The following AGBL1 variants were observed in gnomAD, a reference collection of about 807,000 sequenced individuals.
AGBL1 encodes cytosolic carboxypeptidase 4.
AGBL1 carries 130 observed loss-of-function variants against 118.9 expected under a neutral mutation model. That is an observed-to-expected ratio of 1.09 (90% confidence interval 0.95 to 1.26). AGBL1 has a LOEUF of 1.26. Ranked by LOEUF, AGBL1 falls within the 50% of genes most tolerant of loss-of-function variation. AGBL1 has a pLI of 0.00. For synonymous variants in AGBL1, 555 were observed against 478.9 expected, an observed-to-expected ratio of 1.16 and a Z score of -2.08; for missense variants, 1,584 against 1,298.1, an observed-to-expected ratio of 1.22 and a Z score of -3.38.
At chr15:86,090,272 T>C (rs1256843697) in intron 1 of AGBL1, among the ~76,000 whole-genome samples, 1 of 152,186 alleles carries the variant, frequency 6.6e-6, no homozygotes, top group Non-Finnish European at 1.5e-5. Flanking sequence ...CTTTCTCCAC[T>C]AAACATATTT....
intron 6 of AGBL1, among the ~76,000 whole-genome samples, chr15:86,233,567 G>A (rs572333107): frequency 6.6e-6 from 1 of 152,252 alleles, no homozygotes; most frequent in South Asian, 2.1e-4. Flanking sequence ...AAGAAATCAA[G>A]TTTGAAAACC....
intron 1 of AGBL1, among the ~76,000 whole-genome samples, chr15:86,082,178 C>A (rs2141433552): frequency 6.6e-6 from 1 of 152,280 alleles, no homozygotes; most frequent in African/African-American, 2.4e-5. Flanking sequence ...AAAAAGAGAA[C>A]CCAGAACATA....
At chr15:86,948,950 A>C (rs1020501898) in intron 23 of AGBL1, among the ~76,000 whole-genome samples, 2 of 152,224 alleles carry the variant, frequency 1.3e-5, no homozygotes, top group Non-Finnish European at 2.9e-5. Flanking sequence ...TTGATGTAAC[A>C]TCTCTAACTG....
chr15:86,795,373 A>G (rs2078554607), intron 22 of AGBL1, among the ~76,000 whole-genome samples: 1 of 151,998 alleles, frequency 6.6e-6, no homozygotes, highest in Non-Finnish European at 1.5e-5. Flanking sequence ...TTTGTGGAAC[A>G]CTCAGAAATG....
chr15:86,251,303 A>C lies in AGBL1; in HGVS notation c.735+3424A>C, dbSNP rs190285988. Reference sequence around the variant, plus strand: ...TGCCCACTGTACCAGCAGCTCCCCCAGTTGAGCATGCATCAGAGTCACCTG... The same window carrying C: ...TGCCCACTGTACCAGCAGCTCCCCCCGTTGAGCATGCATCAGAGTCACCTG... On this transcript the variant is annotated intron_variant, in intron 7 of 22. Coordinates refer to ENST00000614907, the MANE Select transcript of AGBL1 (RefSeq NM_001386094.1). Among the ~76,000 whole-genome samples the C allele has an allele frequency of 2.6e-4, 40 of 152,250 alleles. 2 individuals are homozygous for C. In the East Asian group the frequency reaches 6.0e-3, roughly 23 times the overall value.
chr15:86,287,831 C>T (rs1189662467), intron 16 of AGBL1, among the ~76,000 whole-genome samples: 1 of 152,136 alleles, frequency 6.6e-6, no homozygotes, highest in African/African-American at 2.4e-5. Flanking sequence ...GCATTTCAGT[C>T]TCTTGAGAGG....
chr15:86,638,899 C>T (rs12593628), intron 21 of AGBL1, among the ~76,000 whole-genome samples: 1,790 of 152,170 alleles, frequency 0.012, 27 homozygotes, highest in East Asian at 0.077. Flanking sequence ...GTCAGCTCAT[C>T]GTAGTTATTT....
intron 21 of AGBL1, among the ~76,000 whole-genome samples, chr15:86,619,825 A>C (rs1278761772): frequency 6.6e-6 from 1 of 152,004 alleles, no homozygotes; most frequent in Non-Finnish European, 1.5e-5. Context: ...ATTTGAATTG[A>C]ACCTTAAATA....
rs1343896719 is a variant in AGBL1 at position 86,908,876 on chromosome 15, A to G, written c.*1582A>G. ...GAGATGGACAACTTATCATAGTAGT[A>G]GCTTTCATAAGGCATAAGTCTATTT... On this transcript the variant is annotated 3_prime_UTR_variant, in exon 23 of 23. Coordinates refer to ENST00000614907, the MANE Select transcript of AGBL1 (RefSeq NM_001386094.1). 6.6e-6 allele frequency: 1 copy of G among 152,234 alleles called. No individual in the cohort carries two copies. Among genetic ancestry groups the G allele is most frequent in the Non-Finnish European group, 1.5e-5 (1 of 68,050 alleles). 9.4% of individuals were successfully genotyped at this position (152,234 alleles called of 1,614,324 possible).
intron 5 of AGBL1, among the ~76,000 whole-genome samples, chr15:86,221,618 C>T (rs1269210280): frequency 3.3e-5 from 5 of 152,150 alleles, no homozygotes; most frequent in Admixed American, 6.5e-5. Flanking sequence ...TGCACATGAG[C>T]GACTCGATGT....
intron 24 of AGBL1, among the ~76,000 whole-genome samples, chr15:87,009,893 C>T (rs772473104): frequency 6.6e-6 from 1 of 152,234 alleles, no homozygotes; most frequent in African/African-American, 2.4e-5. Context: ...AATGCCTACA[C>T]CCCTATTTTA....
intron 22 of AGBL1, among the ~76,000 whole-genome samples, chr15:86,782,399 G>A (rs115476873): frequency 0.014 from 2,192 of 152,158 alleles, 50 homozygotes; most frequent in African/African-American, 0.049. Context: ...AGACAATTCA[G>A]GTGTAAACTC....
chr15:86,426,490 A>G (rs557888331), intron 18 of AGBL1, among the ~76,000 whole-genome samples: 25 of 152,342 alleles, frequency 1.6e-4, no homozygotes, highest in South Asian at 4.1e-4. Context: ...AATGCTGTCT[A>G]AATACCTTTG....
At chr15:86,873,119 C>CT in intron 22 of AGBL1, among the ~76,000 whole-genome samples, 1 of 152,308 alleles carries the variant, frequency 6.6e-6, no homozygotes, top group African/African-American at 2.4e-5. Flanking sequence ...CTGGTGGTTT[C>CT]TTTTCAAAGG....
intron 18 of AGBL1, among the ~76,000 whole-genome samples, chr15:86,422,599 A>G (rs2081806735): frequency 6.6e-6 from 1 of 152,200 alleles, no homozygotes; most frequent in Non-Finnish European, 1.5e-5. Flanking sequence ...CTTAGAGCAG[A>G]ACGGAAGGAG....
chr15:86,846,830 C>T (rs992260636), intron 22 of AGBL1, among the ~76,000 whole-genome samples: 2 of 152,160 alleles, frequency 1.3e-5, no homozygotes, highest in East Asian at 1.9e-4. Flanking sequence ...CCACACCCAG[C>T]CAAATTTGGG....
chr15:86,532,602 A>G (rs2083366100), intron 19 of AGBL1, among the ~76,000 whole-genome samples: 1 of 146,480 alleles, frequency 6.8e-6, no homozygotes, highest in Non-Finnish European at 1.5e-5. Context: ...CAGAATTGGA[A>G]AAAACTACTT....
At chr15:86,709,802 T>C (rs1432449245) in intron 22 of AGBL1, among the ~76,000 whole-genome samples, 1 of 152,170 alleles carries the variant, frequency 6.6e-6, no homozygotes, top group Non-Finnish European at 1.5e-5. Context: ...ATTAAACTTT[T>C]CTAAATCATA....
chr15:86,785,924 T>C (rs544829069), intron 22 of AGBL1, among the ~76,000 whole-genome samples: 124 of 152,186 alleles, frequency 8.1e-4, no homozygotes, highest in African/African-American at 2.9e-3. Context: ...AGGCAGAAAC[T>C]ATGACTGGAG....
Sources: allele counts gnomAD v4.1 joint callset (sites outside exome capture counted in the v4.1 genomes callset), GRCh38; gene constraint gnomAD v4.1.1; transcripts MANE v1.5; gene names NCBI Gene and HGNC (gene_info 2026-07-23, HGNC 2026-07-21).